The following FUT9 variants were observed in gnomAD, a reference collection of about 807,000 sequenced individuals.
The protein encoded by FUT9 is fucosyltransferase 9.
In FUT9, 15 loss-of-function variants were observed where a neutral mutation model predicts 29.7. That is an observed-to-expected ratio of 0.51 (90% CI 0.34 to 0.78). FUT9 has a LOEUF of 0.78. Ranked by LOEUF, FUT9 falls within the 30% of genes least tolerant of loss-of-function variation. FUT9 has a pLI of 0.01. For synonymous variants in FUT9, 169 were observed against 153.7 expected (o/e 1.10, Z -0.74); for missense variants, 319 against 425.4 (o/e 0.75, Z 2.20).
rs934316115 is a variant in FUT9, at chr6:96,120,102, A to G, written c.-9+5975A>G. ...ATTATCAAATCTATTTGAATTTTCT[A>G]CCATATTTAATGTTCAGAATTCTCA... On this transcript the variant is annotated intron_variant, in intron 2 of 2. Transcript: ENST00000302103. Among the ~76,000 whole-genome samples, 3 of 152,176 alleles carry G rather than the reference A, an allele frequency of 2.0e-5. No individual in the cohort carries two copies. In the East Asian group the frequency reaches 5.8e-4, roughly 29 times the overall value.
chr6:96,152,485 A>G (rs1176384565), intron 2 of FUT9, among the ~76,000 whole-genome samples: 1 of 152,172 alleles, frequency 6.6e-6, no homozygotes, highest in Admixed American at 6.5e-5. Context: ...GTTCATAATT[A>G]AAAGCCTTGC....
intron 1 of FUT9, among the ~76,000 whole-genome samples, chr6:96,088,437 T>C (rs957483889): frequency 6.6e-6 from 1 of 151,984 alleles, no homozygotes; most frequent in African/African-American, 2.4e-5. Flanking sequence ...TTAAACACTT[T>C]TGTCTTCTTT....
chr6:96,057,916 A>T (rs149354142), intron 1 of FUT9, among the ~76,000 whole-genome samples: 1 of 151,976 alleles, frequency 6.6e-6, no homozygotes. Flanking sequence ...TCTCACTAAA[A>T]CTCCGTCATC....
chr6:96,044,330 T>A (rs1306377486), intron 1 of FUT9, among the ~76,000 whole-genome samples: 1 of 152,238 alleles, frequency 6.6e-6, no homozygotes, highest in African/African-American at 2.4e-5. Context: ...TCATTTAACT[T>A]TTGTTGGCAC....
chr6:96,101,433 C>T (rs1771584173), intron 1 of FUT9, among the ~76,000 whole-genome samples: 1 of 151,758 alleles, frequency 6.6e-6, no homozygotes, highest in Admixed American at 6.6e-5. Flanking sequence ...CCTGTAATCC[C>T]AGCTACTCAG....
intron 1 of FUT9, among the ~76,000 whole-genome samples, chr6:96,042,692 C>T (rs945131860): frequency 1.3e-5 from 2 of 152,022 alleles, no homozygotes; most frequent in East Asian, 1.9e-4. Flanking sequence ...AGCCCCAAAC[C>T]CTCCTTTTTT....
intron 1 of FUT9, among the ~76,000 whole-genome samples, chr6:96,075,925 CTGT>C (rs1292820578): frequency 6.6e-6 from 1 of 152,118 alleles, no homozygotes; most frequent in African/African-American, 2.4e-5. Flanking sequence ...CCCAAATAGC[CTGT>C]TGTTAGAGTG....
chr6:96,169,678 CT>C (rs1773076986), intron 2 of FUT9, among the ~76,000 whole-genome samples: 1 of 152,098 alleles, frequency 6.6e-6, no homozygotes, highest in South Asian at 2.1e-4. Context: ...TTCTAAAGTA[CT>C]TCGGCAGTAT....
intron 1 of FUT9, among the ~76,000 whole-genome samples, chr6:96,069,921 G>A (rs921347653): frequency 6.6e-6 from 1 of 151,706 alleles, no homozygotes; most frequent in Non-Finnish European, 1.5e-5. Context: ...GTGAGCCACC[G>A]CACCCAGCTA....
chr6:96,181,584 T>TTCCTTCCCTC (rs1554198437), intron 2 of FUT9, among the ~76,000 whole-genome samples: 1 of 151,754 alleles, frequency 6.6e-6, no homozygotes. Context: ...TTTATCCCTC[T>TTCCTTCCCTC]CCTTTCTCCC....
chr6:96,198,288 C>A (rs1239822898), intron 2 of FUT9, among the ~76,000 whole-genome samples: 2 of 138,832 alleles, frequency 1.4e-5, no homozygotes, highest in Admixed American at 1.5e-4. Flanking sequence ...CCACAACAGT[C>A]CCCAGAGTGT....
At chr6:96,092,830 G>A (rs1007968747) in intron 1 of FUT9, among the ~76,000 whole-genome samples, 4 of 151,842 alleles carry the variant, frequency 2.6e-5, no homozygotes, top group Admixed American at 2.6e-4. Context: ...GGAATGCAGT[G>A]GCACAATCAC....
At position 96,210,931 on chromosome 6, in the gene FUT9, T is replaced by G. The variant is rs1334672052; in HGVS notation, c.*6696T>G. On this transcript the variant is annotated 3_prime_UTR_variant, in exon 3 of 3. Coordinates refer to ENST00000302103, the MANE Select transcript of FUT9 (RefSeq NM_006581.4). ...AGCTGTAAAGCAGAGGTAGCATATT[T>G]CTGAGAAATTATATTCAGGTGACTA... The G allele has an allele frequency of 6.0e-6, 1 of 166,850 alleles. No homozygotes were observed. Among genetic ancestry groups the G allele is most frequent in the Non-Finnish European group, 1.5e-5 (1 of 68,034 alleles). The allele number at this position is 166,850 out of a possible 1,614,324, so 10.3% of individuals were successfully genotyped here. A position where few individuals can be genotyped will look rare whatever the true frequency, so the allele number is the denominator to read the frequency against.
rs1773947501 is a variant in FUT9, at chr6:96,212,065, T to C, written c.*7830T>C. On this transcript the variant is annotated 3_prime_UTR_variant, in exon 3 of 3. Coordinates refer to ENST00000302103, the MANE Select transcript of FUT9 (RefSeq NM_006581.4). ...CTTTCCACACATGGCTGCATTCCAT[T>C]TTGATTAATGAGGGTTCAGGAAATA... 1 of 412,336 alleles carries C rather than the reference T, an allele frequency of 2.4e-6. No homozygotes were observed. The highest frequency in any genetic ancestry group is 4.4e-6 in the Non-Finnish European group (1 of 225,358). The allele number at this position is 412,336 out of a possible 1,614,324, so 25.5% of individuals were successfully genotyped here.
chr6:96,144,395 C>T (rs1486494733), intron 2 of FUT9, among the ~76,000 whole-genome samples: 2 of 152,126 alleles, frequency 1.3e-5, no homozygotes, highest in African/African-American at 4.8e-5. Context: ...TAGATTGAAA[C>T]AACTGGAAAA....
intron 1 of FUT9, among the ~76,000 whole-genome samples, chr6:96,053,187 TA>T (rs943880810): frequency 6.6e-6 from 1 of 152,196 alleles, no homozygotes; most frequent in African/African-American, 2.4e-5. Flanking sequence ...TCTTCAGGGT[TA>T]TTTTAGATTT....
intron 2 of FUT9, among the ~76,000 whole-genome samples, chr6:96,123,021 A>C (rs928670656): frequency 1.1e-4 from 14 of 127,338 alleles, no homozygotes; most frequent in Non-Finnish European, 2.0e-4. Flanking sequence ...GATCGCGCCA[A>C]TCCGCTCCAG....
chr6:96,198,025 T>C (rs569760372), intron 2 of FUT9, among the ~76,000 whole-genome samples: 11 of 152,326 alleles, frequency 7.2e-5, no homozygotes, highest in Non-Finnish European at 1.2e-4. Context: ...TTGATATGTA[T>C]CTGTGGTTGG....
rs955117344 is a variant in FUT9, at chr6:96,080,793, C to G, written c.-97-33246C>G. On this transcript the variant is annotated intron_variant, in intron 1 of 2. Transcript: ENST00000302103. ...TGGTATATCTCCTTATTTCAAAATG[C>G]ATATATCTAACTGTCAACTTGAGAT... is the stretch of plus-strand genomic sequence containing the variant. Among the ~76,000 whole-genome samples, 19 of 151,888 alleles carry G rather than the reference C, an allele frequency of 1.3e-4. No homozygotes were observed. The East Asian group carries it at 3.7e-3, about 29-fold the overall frequency.
Sources: allele counts gnomAD v4.1 joint callset (sites outside exome capture counted in the v4.1 genomes callset), GRCh38; gene constraint gnomAD v4.1.1; transcripts MANE v1.5; gene names NCBI Gene and HGNC (gene_info 2026-07-23, HGNC 2026-07-21).